Variants in WWOX observed in about 807,000 individuals in gnomAD.
WWOX encodes WW domain containing oxidoreductase.
A neutral mutation model predicts 46.2 loss-of-function variants in WWOX; 69 were observed. That is an observed-to-expected ratio of 1.49 (90% CI 1.23 to 1.82). The LOEUF (loss-of-function observed/expected upper bound fraction) is 1.82, where lower values mean the gene tolerates loss of function less well. Among genes scored for constraint, WWOX ranks in the 40% most tolerant of loss-of-function variants. The pLI, the probability that WWOX is intolerant of heterozygous loss-of-function variation, is 0.00. For synonymous variants in WWOX, 359 were observed against 202.6 expected (o/e 1.77, Z -6.56); for missense variants, 919 against 542.6 (o/e 1.69, Z -6.89).
intron 5 of WWOX, among the ~76,000 whole-genome samples, chr16:78,335,979 C>G (rs13337639): frequency 4.6e-5 from 7 of 151,962 alleles, no homozygotes; most frequent in Non-Finnish European, 1.0e-4. Flanking sequence ...GTAGTCCCAG[C>G]TATTTGGAAG....
chr16:78,867,494 GTGTGTGTGTGTGTGTGTA>G (rs1281364709), intron 8 of WWOX, among the ~76,000 whole-genome samples: 4 of 151,358 alleles, frequency 2.6e-5, no homozygotes, highest in Non-Finnish European at 4.4e-5. Flanking sequence ...TTGTGTGTGT[GTGTGTGTGTGTGTGTGTA>G]TGTGTGTGTG....
At chr16:78,127,134 G>C (rs953714674) in intron 4 of WWOX, among the ~76,000 whole-genome samples, 3 of 152,134 alleles carry the variant, frequency 2.0e-5, no homozygotes, top group African/African-American at 7.2e-5. Context: ...TATGACCCGA[G>C]CAAGTTACTT....
At position 78,568,014 on chromosome 16, in the gene WWOX, C is replaced by G. The variant is rs190021814; in HGVS notation, c.1056+135262C>G. 3.9e-5 allele frequency among the ~76,000 whole-genome samples: 6 copies of G among 152,088 alleles called. No homozygotes were observed. The East Asian group carries it at 1.2e-3, about 29-fold the overall frequency. On this transcript the variant is annotated intron_variant, in intron 8 of 8. Transcript: ENST00000566780. ...AATCTAGAGCCTCTGTTCACTACTC[C>G]GCGAATTGAAGGCGGCAGGAGTCTT...
At chr16:78,233,562 T>C (rs2037340025) in intron 5 of WWOX, among the ~76,000 whole-genome samples, 1 of 150,690 alleles carries the variant, frequency 6.6e-6, no homozygotes, top group Admixed American at 6.6e-5. Context: ...AGTCTTGCTC[T>C]TTTGCCCAGG....
intron 8 of WWOX, among the ~76,000 whole-genome samples, chr16:78,546,280 G>T (rs2044029658): frequency 6.6e-6 from 1 of 152,166 alleles, no homozygotes; most frequent in South Asian, 2.1e-4. Flanking sequence ...GCATGAAAGG[G>T]AACAGAAGGG....
At chr16:78,343,328 A>G (rs1197776292) in intron 5 of WWOX, among the ~76,000 whole-genome samples, 1 of 120,994 alleles carries the variant, frequency 8.3e-6, no homozygotes, top group East Asian at 1.9e-4. Flanking sequence ...TTCCTCGCCT[A>G]CTTGCTTCTA....
At chr16:78,131,301 C>T (rs751966969) in intron 4 of WWOX, among the ~76,000 whole-genome samples, 2 of 152,160 alleles carry the variant, frequency 1.3e-5, no homozygotes, top group African/African-American at 2.4e-5. Context: ...TAGCCTCTCC[C>T]TCCTGGGCCA....
chr16:79,083,442 C>G (rs1431699241), intron 8 of WWOX, among the ~76,000 whole-genome samples: 1 of 152,076 alleles, frequency 6.6e-6, no homozygotes, highest in African/African-American at 2.4e-5. Context: ...ATGTCAAGAA[C>G]AAAGCTGTGT....
chr16:78,563,923 C>A (rs1189294488), intron 8 of WWOX, among the ~76,000 whole-genome samples: 1 of 152,210 alleles, frequency 6.6e-6, no homozygotes, highest in Admixed American at 6.5e-5. Context: ...ACCAATGAGG[C>A]ATTTGGAAAC....
chr16:78,770,820 G>A (rs2050046746), intron 8 of WWOX, among the ~76,000 whole-genome samples: 1 of 152,240 alleles, frequency 6.6e-6, no homozygotes. Flanking sequence ...CCCAAGCCGA[G>A]CAATGCTAAA....
intron 8 of WWOX, among the ~76,000 whole-genome samples, chr16:78,548,404 T>C (rs569294822): frequency 6.6e-6 from 1 of 152,264 alleles, no homozygotes; most frequent in South Asian, 2.1e-4. Context: ...AATCCGAATT[T>C]TCTAAGTGAT....
At chr16:78,365,245 T>C (rs1348147564) in intron 5 of WWOX, among the ~76,000 whole-genome samples, 5 of 152,180 alleles carry the variant, frequency 3.3e-5, no homozygotes, top group Non-Finnish European at 5.9e-5. Context: ...TCTGACATTA[T>C]CAGTGTGATT....
At chr16:78,572,297 T>G (rs1161567327) in intron 8 of WWOX, among the ~76,000 whole-genome samples, 2 of 152,128 alleles carry the variant, frequency 1.3e-5, no homozygotes, top group African/African-American at 4.8e-5. Flanking sequence ...TAATTCAGGA[T>G]TAAAACAGCG....
chr16:78,716,381 T>C (rs72799083), intron 8 of WWOX, among the ~76,000 whole-genome samples: 25,754 of 152,032 alleles, frequency 0.17, 2,800 homozygotes, highest in East Asian at 0.25. Flanking sequence ...AAAGAGTACA[T>C]TGCTGTTCTA....
chr16:78,122,546 C>G (rs2033148154), intron 4 of WWOX, among the ~76,000 whole-genome samples: 2 of 151,836 alleles, frequency 1.3e-5, no homozygotes, highest in African/African-American at 4.8e-5. Context: ...TGATCTTTTG[C>G]TTTTACATCA....
rs2043850798 is a variant in WWOX, at chr16:78,540,004, TC to T, written c.1056+107253del. Among the ~76,000 whole-genome samples, 5 of 116,280 alleles carry T rather than the reference TC, an allele frequency of 4.3e-5. No individual in the cohort carries two copies. In the South Asian group the frequency reaches 1.4e-3, roughly 32 times the overall value. The allele number at this position is 116,280 out of a possible 152,430, so 76.3% of individuals were successfully genotyped here. A position where few individuals can be genotyped will look rare whatever the true frequency, so the allele number is the denominator to read the frequency against. ...ATACATCTCTCTCTCTCTTTCTCTC[TC>T]TCTCTCTCTCTCTCTCACACACACA... On this transcript the variant is annotated intron_variant, in intron 8 of 8. Transcript: ENST00000566780.
At chr16:78,186,532 G>C (rs765707986) in intron 5 of WWOX, among the ~76,000 whole-genome samples, 2 of 152,192 alleles carry the variant, frequency 1.3e-5, no homozygotes, top group African/African-American at 2.4e-5. Flanking sequence ...GGGAGGCTGA[G>C]GCAGGTGGAT....
At chr16:79,149,783 C>T (rs1231787583) in intron 8 of WWOX, among the ~76,000 whole-genome samples, 1 of 152,218 alleles carries the variant, frequency 6.6e-6, no homozygotes, top group Admixed American at 6.5e-5. Context: ...CCTCACGTTG[C>T]TTGGTATACA....
At chr16:78,853,519 G>A (rs184480107) in intron 8 of WWOX, among the ~76,000 whole-genome samples, 20 of 152,180 alleles carry the variant, frequency 1.3e-4, no homozygotes, top group Non-Finnish European at 2.5e-4. Context: ...TCCATAACCC[G>A]GTGTGCTAAA....
Sources: gnomAD v4.1 joint callset for allele counts (sites outside exome capture counted in the v4.1 genomes callset) on GRCh38, gnomAD v4.1.1 for gene constraint, MANE v1.5 for transcripts, NCBI Gene and HGNC (gene_info 2026-07-23, HGNC 2026-07-21) for gene names.